TPD52L1: variants seen among roughly 807,000 people sequenced by gnomAD.
The protein encoded by TPD52L1 is TPD52 like 1.
TPD52L1 carries 18 observed loss-of-function variants against 28.7 expected under a neutral mutation model. The ratio of observed to expected loss-of-function variants is 0.63; its 90% CI spans 0.43 to 0.93. The LOEUF (loss-of-function observed/expected upper bound fraction) is 0.93. Ranked by LOEUF, TPD52L1 falls within the 40% of genes least tolerant of loss-of-function variation. TPD52L1 has a pLI of 0.00. For synonymous variants in TPD52L1, 75 were observed against 88.8 expected, an observed-to-expected ratio of 0.84 and a Z score of 0.88; for missense variants, 203 against 254.8, an observed-to-expected ratio of 0.80 and a Z score of 1.39.
chr6:125,249,892 T>G (rs9321028), intron 4 of TPD52L1, among the ~76,000 whole-genome samples: 22,590 of 151,954 alleles, frequency 0.15, 2,041 homozygotes, highest in East Asian at 0.31. Context: ...CTGAGTACAT[T>G]GTTTTATCTT....
chr6:125,154,267 C>G, intron 1 of TPD52L1: 1 of 1,215,746 alleles, frequency 8.2e-7, no homozygotes, highest in Non-Finnish European at 1.0e-6. Context: ...GCCTTCCCAA[C>G]CTCGCGGCTG....
chr6:125,263,600 TCCCAACTATTTTGGATG>T lies in TPD52L1; in HGVS notation c.*641_*657del, dbSNP rs1798175914. On this transcript the variant is annotated 3_prime_UTR_variant, in exon 7 of 7. Coordinates refer to ENST00000534000, the MANE Select transcript of TPD52L1 (RefSeq NM_003287.4). Reference sequence around the variant, plus strand: ...CAGGTGCGGCGGCTCACACCTGTAATCCCAACTATTTTGGATGCCAAGGTGAGAGGATTGCTTGAGGC... The same window carrying T: ...CAGGTGCGGCGGCTCACACCTGTAATCCAAGGTGAGAGGATTGCTTGAGGC... 6.5e-6 allele frequency: 1 copy of T among 152,724 alleles called. No homozygotes were observed. Among genetic ancestry groups the T allele is most frequent in the South Asian group, 1.9e-4 (1 of 5,302 alleles). The allele number at this position is 152,724 out of a possible 1,614,324, so 9.5% of individuals were successfully genotyped here.
At chr6:125,224,840 AC>A (rs1239644616) in intron 2 of TPD52L1, among the ~76,000 whole-genome samples, 1 of 152,246 alleles carries the variant, frequency 6.6e-6, no homozygotes, top group African/African-American at 2.4e-5. Flanking sequence ...GCTAATTCAG[AC>A]TAGTTAGTTC....
At chr6:125,238,513 C>T (rs555529721) in intron 3 of TPD52L1, among the ~76,000 whole-genome samples, 1 of 151,690 alleles carries the variant, frequency 6.6e-6, no homozygotes, top group Non-Finnish European at 1.5e-5. Flanking sequence ...CCCCTCGAAC[C>T]CTTTCCCCCG....
At chr6:125,246,781 T>C (rs921598302) in intron 3 of TPD52L1, among the ~76,000 whole-genome samples, 3 of 151,826 alleles carry the variant, frequency 2.0e-5, no homozygotes, top group Admixed American at 1.3e-4. Flanking sequence ...CCTCACACAG[T>C]CCTCTCCAGA....
chr6:125,223,167 T>C (rs1201656407), intron 2 of TPD52L1, among the ~76,000 whole-genome samples: 1 of 152,200 alleles, frequency 6.6e-6, no homozygotes, highest in Non-Finnish European at 1.5e-5. Flanking sequence ...CTATGCTGGA[T>C]TCCTTCCTCC....
In TPD52L1 at chr6:125,262,811, T is replaced by A. The variant is rs762698186; in HGVS notation, c.487-23T>A. ...AAATGATAGTAACAACTAACTGCAT[T>A]TTTGTGGATCTGCTCATTTCAGACG... On this transcript the variant is annotated intron_variant, in intron 6 of 6. Coordinates refer to ENST00000534000, the MANE Select transcript of TPD52L1 (RefSeq NM_003287.4). 6 of 1,588,004 alleles carry A rather than the reference T, an allele frequency of 3.8e-6. 1 individual carries two copies. In the Admixed American group the frequency reaches 7.5e-5, roughly 20 times the overall value.
At chr6:125,211,837 G>A (rs1024982716) in intron 1 of TPD52L1, among the ~76,000 whole-genome samples, 3 of 152,214 alleles carry the variant, frequency 2.0e-5, no homozygotes, top group Non-Finnish European at 2.9e-5. Flanking sequence ...GGCGAGATAC[G>A]AGTTGTTAGC....
intron 1 of TPD52L1, chr6:125,154,481 T>G: frequency 1.0e-6 from 1 of 985,662 alleles, no homozygotes; most frequent in Non-Finnish European, 1.2e-6. Context: ...GGGACCCGCC[T>G]TCCGAGGCCA....
intron 1 of TPD52L1, among the ~76,000 whole-genome samples, chr6:125,167,048 G>T (rs1790959380): frequency 6.6e-6 from 1 of 152,076 alleles, no homozygotes; most frequent in Non-Finnish European, 1.5e-5. Context: ...CTTGAACCCA[G>T]GAGCTCAAGA....
chr6:125,163,916 CA>C (rs779811391), intron 1 of TPD52L1, among the ~76,000 whole-genome samples: 7,384 of 73,094 alleles, frequency 0.1, 223 homozygotes, highest in African/African-American at 0.19. Context: ...CACTCTGTCT[CA>C]AAAAAAAAAA....
At chr6:125,158,777 G>C (rs1480502002) in intron 1 of TPD52L1, among the ~76,000 whole-genome samples, 1 of 152,198 alleles carries the variant, frequency 6.6e-6, no homozygotes, top group Non-Finnish European at 1.5e-5. Context: ...CTTGGAGATA[G>C]TGTGGGTTCA....
Position 125,165,092 on chromosome 6 carries a change from A to ATATATATATATATATATATATATTTATT in TPD52L1, c.19+11129_19+11130insATATATATATATATATTTATTTATATAT. On this transcript the variant is annotated intron_variant, in intron 1 of 6. Coordinates refer to ENST00000534000, the MANE Select transcript of TPD52L1 (RefSeq NM_003287.4). ...CCTGTCTCTTAAAAAAAAGATATAT[A>ATATATATATATATATATATATATTTATT]TATATATTTTAACTGTATATATATA... is the stretch of plus-strand genomic sequence containing the variant. Among the ~76,000 whole-genome samples, 111 of 104,146 alleles carry ATATATATATATATATATATATATTTATT rather than the reference A, an allele frequency of 1.1e-3. 5 individuals carry two copies. Among genetic ancestry groups the ATATATATATATATATATATATATTTATT allele is most frequent in the Middle Eastern group, 4.8e-3 (1 of 208 alleles). 68.3% of individuals were successfully genotyped at this position (104,146 alleles called of 152,430 possible). A position where few individuals can be genotyped will look rare whatever the true frequency, so the allele number is the denominator to read the frequency against.
At chr6:125,172,699 T>C (rs74623199) in intron 1 of TPD52L1, among the ~76,000 whole-genome samples, 8,998 of 148,340 alleles carry the variant, frequency 0.061, 537 homozygotes, top group East Asian at 0.33. Context: ...CTCTTCCCAC[T>C]CCTTCTAAAT....
intron 1 of TPD52L1, among the ~76,000 whole-genome samples, chr6:125,215,959 C>T (rs1320221012): frequency 6.6e-6 from 1 of 152,060 alleles, no homozygotes; most frequent in Admixed American, 6.6e-5. Flanking sequence ...TCTGTAAGTC[C>T]TTGGGCCAGG....
intron 1 of TPD52L1, among the ~76,000 whole-genome samples, chr6:125,155,031 G>T (rs191062414): frequency 7.2e-4 from 109 of 152,274 alleles, no homozygotes; most frequent in African/African-American, 2.6e-3. Context: ...GCCTGGAGTC[G>T]CCCAACAGGT....
At chr6:125,213,111 G>A (rs1794627236) in intron 1 of TPD52L1, among the ~76,000 whole-genome samples, 1 of 152,086 alleles carries the variant, frequency 6.6e-6, no homozygotes, top group Non-Finnish European at 1.5e-5. Context: ...GTATGTATAT[G>A]TGCTCAATTT....
intron 1 of TPD52L1, among the ~76,000 whole-genome samples, chr6:125,178,415 G>A (rs144217821): frequency 6.6e-6 from 1 of 152,128 alleles, no homozygotes; most frequent in Admixed American, 6.5e-5. Context: ...AAGGTCAGGA[G>A]TTCAAGACCA....
At chr6:125,172,540 ATATATATATAT>A (rs1791530476) in intron 1 of TPD52L1, among the ~76,000 whole-genome samples, 1 of 92,204 alleles carries the variant, frequency 1.1e-5, no homozygotes, top group African/African-American at 4.9e-5. Flanking sequence ...ATATATATAT[ATATATATATAT>A]AATATATATA....
Sources: allele counts gnomAD v4.1 joint callset (sites outside exome capture counted in the v4.1 genomes callset), GRCh38; gene constraint gnomAD v4.1.1; transcripts MANE v1.5; gene names NCBI Gene and HGNC (gene_info 2026-07-23, HGNC 2026-07-21).